Variants in CCDC127 observed in about 807,000 individuals in gnomAD.
CCDC127 encodes coiled-coil domain containing 127, also known as coiled-coil domain-containing protein 127.
A neutral mutation model predicts 4.1 loss-of-function variants in CCDC127; 2 were observed. The observed-to-expected ratio is 0.49, with a 90% CI of 0.20 to 1.53. The LOEUF is 1.53. CCDC127 is among the 40% of genes most tolerant of loss of function. The pLI is 0.23. For synonymous variants in CCDC127, 98 were observed against 120.4 expected (o/e 0.81, Z 1.22); for missense variants, 271 against 322.9 (o/e 0.84, Z 1.23).
At chr5:207,124 T>G (rs1185908340) in intron 2 of CCDC127, among the ~76,000 whole-genome samples, 5 of 152,176 alleles carry the variant, frequency 3.3e-5, no homozygotes, top group Non-Finnish European at 7.3e-5. Context: ...TCATTAATGG[T>G]CACCTTTGCT....
Position 196,976 on chromosome 5 carries a change from C to T in CCDC127, c.*8321G>A, listed in dbSNP as rs1232789178. ...GTTTTTATTATTATTTTCATTATTT[C>T]AGCAAAAAGGAATGTAGTAGGAGAG... On this transcript the variant is annotated 3_prime_UTR_variant, in exon 3 of 3. Coordinates refer to ENST00000296824, the MANE Select transcript of CCDC127 (RefSeq NM_145265.3). The T allele has an allele frequency of 6.6e-6, 1 of 150,420 alleles. No homozygotes were observed. Among genetic ancestry groups the T allele is most frequent in the Non-Finnish European group, 1.5e-5 (1 of 67,684 alleles). The allele number at this position is 150,420 out of a possible 1,614,324, so 9.3% of individuals were successfully genotyped here. A position where few individuals can be genotyped will look rare whatever the true frequency, so the allele number is the denominator to read the frequency against.
rs957498601 is a variant in CCDC127, at chr5:198,064, G to A, written c.*7233C>T. 2 of 152,388 alleles carry A rather than the reference G, an allele frequency of 1.3e-5. No individual in the cohort carries two copies. Among genetic ancestry groups the A allele is most frequent in the Non-Finnish European group, 2.9e-5 (2 of 68,190 alleles). The allele number at this position is 152,388 out of a possible 1,614,324, so 9.4% of individuals were successfully genotyped here. A position where few individuals can be genotyped will look rare whatever the true frequency, so the allele number is the denominator to read the frequency against. ...TGTGTCCAGGCCCTTCTCTGCCCAGGGTAGGGGTTTGCCTGGGTTGTAGGG... is the reference window on the plus strand; with the variant it reads ...TGTGTCCAGGCCCTTCTCTGCCCAGAGTAGGGGTTTGCCTGGGTTGTAGGG... On this transcript the variant is annotated 3_prime_UTR_variant, in exon 3 of 3. Coordinates refer to ENST00000296824, the MANE Select transcript of CCDC127 (RefSeq NM_145265.3).
rs1734128117 is a variant in CCDC127, at chr5:204,401, T to C, written c.*896A>G. 6.6e-6 allele frequency: 1 copy of C among 152,232 alleles called. No individual in the cohort carries two copies. Among genetic ancestry groups the C allele is most frequent in the South Asian group, 2.1e-4 (1 of 4,834 alleles). 9.4% of individuals were successfully genotyped at this position (152,232 alleles called of 1,614,324 possible). On this transcript the variant is annotated 3_prime_UTR_variant, in exon 3 of 3. Transcript: ENST00000296824. ...ACAGGTATACAGGCTCAATTCCCAG[T>C]AGCTATGTGTGACATGGGGTGATAA...
At chr5:214,939 A>G (rs1734349970) in intron 2 of CCDC127, 1 of 152,080 alleles carries the variant, frequency 6.6e-6, no homozygotes, top group Admixed American at 6.6e-5. Flanking sequence ...GAGGCAGGAG[A>G]ATCACTAGAA....
In CCDC127 at chr5:217,761, G is replaced by A. The variant is rs1344517042; in HGVS notation, c.-11+332C>T. ...TGCACCCTCCATAGCTAGGCTGGGG[G>A]CTAACGTTAGTAAGAATTTACTGAT... is the stretch of plus-strand genomic sequence containing the variant. On this transcript the variant is annotated intron_variant, in intron 1 of 2. Coordinates refer to ENST00000296824, the MANE Select transcript of CCDC127 (RefSeq NM_145265.3). 3.9e-5 allele frequency among the ~76,000 whole-genome samples: 6 copies of A among 152,078 alleles called. No individual in the cohort carries two copies. The South Asian group carries it at 8.3e-4, about 21-fold the overall frequency.
chr5:208,472 C>T (rs1043312960), intron 2 of CCDC127, among the ~76,000 whole-genome samples: 12 of 152,270 alleles, frequency 7.9e-5, no homozygotes, highest in African/African-American at 2.9e-4. Flanking sequence ...CACTCTACAT[C>T]AGCCAAATAA....
intron 2 of CCDC127, chr5:215,410 CA>C (rs1734361579): frequency 6.6e-6 from 1 of 152,174 alleles, no homozygotes; most frequent in Admixed American, 6.5e-5. Flanking sequence ...GTCTGAAAAA[CA>C]AATGGAAAAT....
intron 2 of CCDC127, chr5:214,191 G>GCGGT (rs1734332558): frequency 6.6e-6 from 1 of 152,182 alleles, no homozygotes; most frequent in Admixed American, 6.5e-5. Flanking sequence ...GGAGGGAGGG[G>GCGGT]CGGTACACAG....
rs1169347669 is a variant in CCDC127, at chr5:200,871, C to T, written c.*4426G>A. On this transcript the variant is annotated 3_prime_UTR_variant, in exon 3 of 3. Transcript: ENST00000296824. The stretch of plus-strand genomic sequence containing the variant: ...AGCAGGCTGCCCCCATCACAGCCAG[C>T]CAGCGTCTACACAGCAGGCTGCCCC... 1.8e-5 allele frequency: 2 copies of T among 110,740 alleles called. No homozygotes were observed. The highest frequency in any genetic ancestry group is 4.3e-4 in the East Asian group (2 of 4,696). The allele number at this position is 110,740 out of a possible 1,614,324, so 6.9% of individuals were successfully genotyped here.
At chr5:210,134 T>A (rs1734252033) in intron 2 of CCDC127, among the ~76,000 whole-genome samples, 1 of 152,216 alleles carries the variant, frequency 6.6e-6, no homozygotes, top group Non-Finnish European at 1.5e-5. Flanking sequence ...ACTAAAGTCT[T>A]ACTCCTTATT....
At chr5:206,567 A>G (rs564257010) in intron 2 of CCDC127, among the ~76,000 whole-genome samples, 2 of 152,288 alleles carry the variant, frequency 1.3e-5, no homozygotes, top group East Asian at 3.9e-4. Flanking sequence ...AGAGAAATCC[A>G]GCGCCTCTAA....
chr5:206,000 G>C (rs1452262618), intron 2 of CCDC127, 42 bp from the exon 3 acceptor site: 1 of 1,535,666 alleles, frequency 6.5e-7, no homozygotes, highest in Non-Finnish European at 8.8e-7. Flanking sequence ...AAAAAGTTAG[G>C]GCTGAAGTTC....
rs71583065 is a variant in CCDC127 at position 213,256 on chromosome 5, A to T, written c.121+3473T>A. ...GCAGACGGGACAGCAGTGTGAGCAC[A>T]CTGATGCTCGACATCGCACACTGCA... On this transcript the variant is annotated intron_variant, in intron 2 of 2. Coordinates refer to ENST00000296824, the MANE Select transcript of CCDC127 (RefSeq NM_145265.3). Among the ~76,000 whole-genome samples, 7 of 50,402 alleles carry T rather than the reference A, an allele frequency of 1.4e-4. No homozygotes were observed. In the East Asian group the frequency reaches 2.1e-3, roughly 15 times the overall value. 33.1% of individuals were successfully genotyped at this position (50,402 alleles called of 152,430 possible).
Position 203,872 on chromosome 5 carries a change from C to T in CCDC127, c.*1425G>A, listed in dbSNP as rs991856376. On this transcript the variant is annotated 3_prime_UTR_variant, in exon 3 of 3. Coordinates refer to ENST00000296824, the MANE Select transcript of CCDC127 (RefSeq NM_145265.3). The stretch of plus-strand genomic sequence containing the variant: ...ACGAATTCACACAGCAGGCCCAAGG[C>T]TGTGTCCTACCAGGGCCTGTGTGCA... 1 of 152,244 alleles carries T rather than the reference C, an allele frequency of 6.6e-6. No individual in the cohort carries two copies. Among genetic ancestry groups the T allele is most frequent in the Admixed American group, 6.5e-5 (1 of 15,288 alleles). 9.4% of individuals were successfully genotyped at this position (152,244 alleles called of 1,614,324 possible). A position where few individuals can be genotyped will look rare whatever the true frequency, so the allele number is the denominator to read the frequency against.
Position 196,888 on chromosome 5 carries a change from C to T in CCDC127, c.*8409G>A, listed in dbSNP as rs1024063624. The stretch of plus-strand genomic sequence containing the variant: ...CAAAGTATAGAGAAACAACAGTGGG[C>T]CCAGGGGACCGGCGCTCAGCATACC... On this transcript the variant is annotated 3_prime_UTR_variant, in exon 3 of 3. Coordinates refer to ENST00000296824, the MANE Select transcript of CCDC127 (RefSeq NM_145265.3). 1.3e-5 allele frequency: 2 copies of T among 150,328 alleles called. No homozygotes were observed. Among genetic ancestry groups the T allele is most frequent in the African/African-American group, 2.4e-5 (1 of 40,828 alleles). The allele number at this position is 150,328 out of a possible 1,614,324, so 9.3% of individuals were successfully genotyped here. A position where few individuals can be genotyped will look rare whatever the true frequency, so the allele number is the denominator to read the frequency against.
intron 2 of CCDC127, among the ~76,000 whole-genome samples, chr5:213,200 C>T (rs373912835): frequency 9.9e-4 from 70 of 71,016 alleles, no homozygotes; most frequent in South Asian, 1.3e-3. Flanking sequence ...GCAGCCACGA[C>T]GAGACAGCAC....
chr5:207,753 G>A (rs10512619), intron 2 of CCDC127, among the ~76,000 whole-genome samples: 16,366 of 152,072 alleles, frequency 0.11, 1,066 homozygotes, highest in Non-Finnish European at 0.12. Flanking sequence ...AGGAATTAAC[G>A]TGACTTAAGA....
chr5:205,905 A>T lies in CCDC127; in HGVS notation c.175T>A (p.Tyr59Asn). ...QKEVEKEREA[Y>N]RRRTAAFQQD... ...TGAAAAGCAGCAGTTCTCCGACGGT[A>T]GGCTTCTCTCTCTTTTTCTACTTCT... The change falls in exon 3 of 3, where the codon TAC (tyrosine) becomes AAC (asparagine). Residue 59 changes from tyrosine to asparagine, a missense_variant. Transcript: ENST00000296824. 4 of 1,614,122 alleles carry T rather than the reference A, an allele frequency of 2.5e-6. No homozygotes were observed. Among genetic ancestry groups the T allele is most frequent in the Non-Finnish European group, 3.4e-6 (4 of 1,179,992 alleles).
At chr5:215,582 T>C (rs1734365036) in intron 2 of CCDC127, 1 of 152,172 alleles carries the variant, frequency 6.6e-6, no homozygotes, top group African/African-American at 2.4e-5. Context: ...ATGAGCTTTT[T>C]ACATGGCAGC....
Sources: allele counts gnomAD v4.1 joint callset (sites outside exome capture counted in the v4.1 genomes callset), GRCh38; gene constraint gnomAD v4.1.1; transcripts MANE v1.5; gene names NCBI Gene and HGNC (gene_info 2026-07-23, HGNC 2026-07-21).